The following RB1CC1 variants were observed in gnomAD, a reference collection of about 807,000 sequenced individuals.
RB1CC1 encodes RB1-inducible coiled-coil protein 1.
In RB1CC1, 46 loss-of-function variants were observed where a neutral mutation model predicts 177.5. The ratio of observed to expected loss-of-function variants is 0.26; its 90% CI spans 0.20 to 0.33. RB1CC1 has a LOEUF of 0.33. RB1CC1 is among the 10% of genes least tolerant of loss of function. The pLI, the probability that RB1CC1 is intolerant of heterozygous loss-of-function variation, is 1.00. For synonymous variants in RB1CC1, 666 were observed against 613.6 expected (o/e 1.09, Z -1.26); for missense variants, 1,703 against 1,816.3 (o/e 0.94, Z 1.13).
Position 52,661,110 on chromosome 8 carries a change from T to C in RB1CC1, c.1530A>G (p.Ile510Met). ...ACTTGCATACCTCCCTGTAGTGTTT[T>C]ATGAACATTTTTCTTCTTACAACCT... ...VVEVVRRKMF[I>M]KHYREWAGAL... Residue 510 changes from isoleucine (I) to methionine (M), a missense_variant, in exon 10 of 24, where the codon ATA (isoleucine) becomes ATG (methionine). Ile to Met is a conservative substitution (Grantham distance 10). Around this residue, in one of 6 missense-constraint regions of RB1CC1, gnomAD observed 1,169 missense variants for 1,184.7 expected, o/e 0.99. Coordinates refer to ENST00000025008, the MANE Select transcript of RB1CC1 (RefSeq NM_014781.5). 1.2e-6 allele frequency: 2 copies of C among 1,613,368 alleles called. No individual in the cohort carries two copies. The highest frequency in any genetic ancestry group is 1.1e-5 in the South Asian group (1 of 90,998).
intron 1 of RB1CC1, among the ~76,000 whole-genome samples, chr8:52,698,471 C>G (rs984602009): frequency 1.3e-5 from 2 of 151,412 alleles, no homozygotes; most frequent in Non-Finnish European, 2.9e-5. Flanking sequence ...TACCACCACG[C>G]CCAGCCAATT....
At chr8:52,706,000 T>C (rs1195934775) in intron 1 of RB1CC1, among the ~76,000 whole-genome samples, 2 of 152,222 alleles carry the variant, frequency 1.3e-5, no homozygotes, top group Non-Finnish European at 2.9e-5. Context: ...GGAGGACATA[T>C]GTATATGCAA....
At chr8:52,708,153 C>T (rs569254046) in intron 1 of RB1CC1, among the ~76,000 whole-genome samples, 8 of 152,262 alleles carry the variant, frequency 5.3e-5, no homozygotes, top group South Asian at 4.1e-4. Context: ...AAACCTATAC[C>T]CTCACTTTAC....
chr8:52,695,576 G>T (rs1396055558), intron 1 of RB1CC1, among the ~76,000 whole-genome samples: 3 of 152,178 alleles, frequency 2.0e-5, no homozygotes, highest in African/African-American at 4.8e-5. Context: ...GAGACTAAAG[G>T]TGAGTCATGT....
At chr8:52,641,830 T>C (rs932323409) in intron 18 of RB1CC1, among the ~76,000 whole-genome samples, 1 of 152,138 alleles carries the variant, frequency 6.6e-6, no homozygotes, top group Non-Finnish European at 1.5e-5. Context: ...CCCATAGATA[T>C]AATTGTAAGC....
chr8:52,660,426 TATC>T (rs1335698748), intron 12 of RB1CC1, among the ~76,000 whole-genome samples, 167 bp downstream of exon 12: 8 of 152,232 alleles, frequency 5.3e-5, no homozygotes, highest in Admixed American at 4.6e-4. Flanking sequence ...TGAATACAAA[TATC>T]AATCTTAAAG....
At chr8:52,625,596 A>G (rs1590896389) in intron 22 of RB1CC1, among the ~76,000 whole-genome samples, 1 of 152,202 alleles carries the variant, frequency 6.6e-6, no homozygotes, top group East Asian at 1.9e-4. Context: ...TCTAAGTTGA[A>G]AATGCATTTA....
chr8:52,636,164 C>T, intron 18 of RB1CC1, 95 bp from the exon 19 acceptor site: 1 of 1,342,524 alleles, frequency 7.4e-7, no homozygotes, highest in South Asian at 1.5e-5. Flanking sequence ...ATCACTTTAA[C>T]AATTTAAGGG....
chr8:52,698,979 G>A (rs1855743523), intron 1 of RB1CC1, among the ~76,000 whole-genome samples: 1 of 151,982 alleles, frequency 6.6e-6, no homozygotes, highest in Admixed American at 6.6e-5. Flanking sequence ...GCATGAACCA[G>A]CGCACCCGGC....
intron 5 of RB1CC1, among the ~76,000 whole-genome samples, chr8:52,678,701 T>C (rs1374379553): frequency 6.6e-6 from 1 of 152,000 alleles, no homozygotes; most frequent in Non-Finnish European, 1.5e-5. Context: ...GATAATATTG[T>C]TAATGAACAA....
intron 6 of RB1CC1, 54 bp from the exon 7 acceptor site, chr8:52,674,328 T>C: frequency 7.0e-7 from 1 of 1,424,468 alleles, no homozygotes; most frequent in African/African-American, 1.4e-5. Flanking sequence ...TAATTAGGAA[T>C]TAGCATGTTT....
At chr8:52,630,400 A>T in intron 21 of RB1CC1, 70 bp downstream of exon 21, 1 of 1,493,806 alleles carries the variant, frequency 6.7e-7, no homozygotes, top group Non-Finnish European at 8.9e-7. Context: ...ACTGTCACTG[A>T]AATACATTTT....
At chr8:52,709,994 G>A (rs1470368554) in intron 1 of RB1CC1, among the ~76,000 whole-genome samples, 10 of 152,198 alleles carry the variant, frequency 6.6e-5, no homozygotes, top group Admixed American at 5.9e-4. Context: ...TCAGAGAAAA[G>A]ATGATTGGAA....
chr8:52,688,698 A>G (rs1470982854), intron 1 of RB1CC1, among the ~76,000 whole-genome samples: 1 of 152,098 alleles, frequency 6.6e-6, no homozygotes, highest in Non-Finnish European at 1.5e-5. Flanking sequence ...CCTTTGAAGC[A>G]TGTGATCTTG....
chr8:52,660,568 T>C (rs747648405), intron 12 of RB1CC1, 28 bp downstream of exon 12: 5 of 1,544,564 alleles, frequency 3.2e-6, no homozygotes, highest in Admixed American at 2.0e-5. Context: ...ATATGGAATT[T>C]AGTCATGGTT....
intron 7 of RB1CC1, among the ~76,000 whole-genome samples, chr8:52,668,628 G>T (rs1384934215): frequency 6.6e-6 from 1 of 151,958 alleles, no homozygotes; most frequent in African/African-American, 2.4e-5. Flanking sequence ...CAACGAATCG[G>T]CTTGCTCAAT....
chr8:52,632,458 G>A (rs1848832848), intron 20 of RB1CC1, among the ~76,000 whole-genome samples: 2 of 152,074 alleles, frequency 1.3e-5, no homozygotes, highest in Admixed American at 1.3e-4. Context: ...CAGACAAATG[G>A]TCTATATCCT....
intron 8 of RB1CC1, among the ~76,000 whole-genome samples, chr8:52,661,989 T>C (rs1051712935): frequency 3.3e-5 from 5 of 152,022 alleles, no homozygotes; most frequent in African/African-American, 9.7e-5. Context: ...ACATACTTAA[T>C]AGTCAATGAG....
chr8:52,713,985 A>C (rs1857286610), intron 1 of RB1CC1, 90 bp downstream of exon 1: 3 of 286,946 alleles, frequency 1.0e-5, no homozygotes, highest in South Asian at 5.2e-5. Context: ...GGAACCCTGG[A>C]CCATGCGACC....
Sources: gnomAD v4.1 joint callset for allele counts (sites outside exome capture counted in the v4.1 genomes callset) on GRCh38, gnomAD v4.1.1 for gene constraint, gnomAD v4.1.1 regional missense constraint, MANE v1.5 for transcripts, NCBI Gene and HGNC (gene_info 2026-07-23, HGNC 2026-07-21) for gene names.